The following FGF12 variants were observed in gnomAD, a reference collection of about 807,000 sequenced individuals.
The protein encoded by FGF12 is fibroblast growth factor 12B.
FGF12 carries 14 observed loss-of-function variants against 23.6 expected under a neutral mutation model. The ratio of observed to expected loss-of-function variants is 0.59; its 90% CI spans 0.39 to 0.93. The LOEUF is 0.93. Ranked by LOEUF, FGF12 falls within the 40% of genes least tolerant of loss-of-function variation. The probability of loss-of-function intolerance (pLI) is 0.00; values close to 1 mark genes in which losing one functional copy is unlikely to be tolerated. For missense variants in FGF12, 175 were observed against 217.8 expected, an observed-to-expected ratio of 0.80 and a Z score of 1.24; for synonymous variants, 62 against 77.3, an observed-to-expected ratio of 0.80 and a Z score of 1.04.
chr3:192,267,936 A>T (rs1252438019), intron 4 of FGF12, among the ~76,000 whole-genome samples: 2 of 152,144 alleles, frequency 1.3e-5, no homozygotes, highest in African/African-American at 4.8e-5. Flanking sequence ...TCCACATCAC[A>T]TATTCTCTAT....
chr3:192,468,784 C>G, intron 2 of FGF12, among the ~76,000 whole-genome samples: 1 of 152,044 alleles, frequency 6.6e-6, no homozygotes, highest in East Asian at 1.9e-4. Flanking sequence ...AAACTTCCCC[C>G]TGATTTTAGC....
intron 2 of FGF12, among the ~76,000 whole-genome samples, chr3:192,687,058 T>C (rs1008257480): frequency 2.6e-5 from 4 of 151,374 alleles, no homozygotes; most frequent in African/African-American, 9.7e-5. Context: ...CTCCATCTCC[T>C]GACCTCGTGA....
intron 2 of FGF12, among the ~76,000 whole-genome samples, chr3:192,575,787 A>G (rs1712852731): frequency 6.8e-6 from 1 of 147,154 alleles, no homozygotes; most frequent in South Asian, 2.2e-4. Context: ...TTTCACCCCA[A>G]CAAATAATCT....
At chr3:192,638,696 C>G (rs1380862778) in intron 2 of FGF12, among the ~76,000 whole-genome samples, 1 of 152,130 alleles carries the variant, frequency 6.6e-6, no homozygotes, top group Admixed American at 6.5e-5. Context: ...TCACCACATG[C>G]CCACAAGGTA....
At chr3:192,697,205 C>A (rs916851132) in intron 2 of FGF12, among the ~76,000 whole-genome samples, 11 of 152,148 alleles carry the variant, frequency 7.2e-5, no homozygotes, top group African/African-American at 2.7e-4. Context: ...ACTAGAGGGG[C>A]TCTGAGGAAC....
chr3:192,489,545 CT>C (rs922891041), intron 2 of FGF12, among the ~76,000 whole-genome samples: 7 of 152,220 alleles, frequency 4.6e-5, no homozygotes, highest in Middle Eastern at 3.4e-3. Flanking sequence ...CTATGCCTCA[CT>C]TCTAGCCAGA....
At chr3:192,692,448 G>A (rs917329395) in intron 2 of FGF12, among the ~76,000 whole-genome samples, 2 of 152,118 alleles carry the variant, frequency 1.3e-5, no homozygotes, top group African/African-American at 4.8e-5. Context: ...GCTCACACCT[G>A]TATTCCCAGC....
chr3:192,510,348 A>G lies in FGF12; in HGVS notation c.14-149810T>C, dbSNP rs1724432187. Among the ~76,000 whole-genome samples the G allele has an allele frequency of 2.0e-5, 3 of 152,346 alleles. No homozygotes were observed. In the South Asian group the frequency reaches 6.2e-4, roughly 32 times the overall value. ...AGAGACACCTCAACAAAGAAAATAC[A>G]CAGGTGGCAAGCAAGGATATGAAAA... On this transcript the variant is annotated intron_variant, in intron 2 of 5. Coordinates refer to ENST00000445105, the MANE Select transcript of FGF12 (RefSeq NM_004113.6).
intron 2 of FGF12, among the ~76,000 whole-genome samples, chr3:192,484,079 T>C (rs1045965098): frequency 6.6e-6 from 1 of 152,106 alleles, no homozygotes; most frequent in South Asian, 2.1e-4. Flanking sequence ...TTATCCCTGA[T>C]AGCAATGAAG....
chr3:192,492,887 A>G (rs1723840202), intron 2 of FGF12, among the ~76,000 whole-genome samples: 1 of 151,850 alleles, frequency 6.6e-6, no homozygotes, highest in African/African-American at 2.4e-5. Context: ...GGTAGAGATA[A>G]GAAGTGATGA....
intron 5 of FGF12, among the ~76,000 whole-genome samples, chr3:192,169,982 A>G (rs559715293): frequency 4.0e-5 from 6 of 149,186 alleles, no homozygotes; most frequent in Admixed American, 1.4e-4. Flanking sequence ...TTGTTTTTCA[A>G]GGGTGTATCT....
rs142982748 is a variant in FGF12 at position 192,696,208 on chromosome 3, T to C, written c.13+30973A>G. Among the ~76,000 whole-genome samples, 46 of 152,132 alleles carry C rather than the reference T, an allele frequency of 3.0e-4. 1 individual carries two copies. In the East Asian group the frequency reaches 8.3e-3, roughly 27 times the overall value. On this transcript the variant is annotated intron_variant, in intron 2 of 5. Coordinates refer to ENST00000445105, the MANE Select transcript of FGF12 (RefSeq NM_004113.6). ...AGTAAGCAATAGTGGAAAACCCCAT[T>C]TGTACCCACCAGTATGTTCCAGCTG...
At chr3:192,382,028 G>A (rs998316495) in intron 2 of FGF12, among the ~76,000 whole-genome samples, 8 of 150,246 alleles carry the variant, frequency 5.3e-5, no homozygotes, top group African/African-American at 1.5e-4. Context: ...ATGGAGTCTC[G>A]CTCTGTCACC....
At chr3:192,422,411 C>T (rs2108784957) in intron 2 of FGF12, among the ~76,000 whole-genome samples, 1 of 152,182 alleles carries the variant, frequency 6.6e-6, no homozygotes, top group East Asian at 1.9e-4. Flanking sequence ...AAGTAGGAAG[C>T]ATTTTCTGTC....
chr3:192,229,956 A>C (rs62294740), intron 4 of FGF12, among the ~76,000 whole-genome samples: 2,364 of 124,754 alleles, frequency 0.019, 34 homozygotes, highest in Middle Eastern at 0.065. Flanking sequence ...TGGATGATAC[A>C]TTATGTGAGA....
chr3:192,710,412 TC>T (rs767384405), intron 2 of FGF12, among the ~76,000 whole-genome samples: 3 of 152,214 alleles, frequency 2.0e-5, no homozygotes, highest in Non-Finnish European at 2.9e-5. Flanking sequence ...TTTGCATAAT[TC>T]TTTAAAGATG....
chr3:192,484,604 C>T (rs546892954), intron 2 of FGF12, among the ~76,000 whole-genome samples: 4 of 152,188 alleles, frequency 2.6e-5, no homozygotes, highest in East Asian at 3.9e-4. Context: ...AGTGAATGAT[C>T]GGCTGTGAGA....
At chr3:192,485,989 C>T (rs75551959) in intron 2 of FGF12, among the ~76,000 whole-genome samples, 2,510 of 152,024 alleles carry the variant, frequency 0.017, 69 homozygotes, top group African/African-American at 0.058. Context: ...ATATATAATA[C>T]GTAGTAAAAA....
At chr3:192,274,949 T>C (rs13317322) in intron 4 of FGF12, among the ~76,000 whole-genome samples, 54,311 of 151,964 alleles carry the variant, frequency 0.36, 10,812 homozygotes, top group East Asian at 0.9. Flanking sequence ...TTCAACTGTT[T>C]TCAAAGGGAA....
Sources: gnomAD v4.1 joint callset for allele counts (sites outside exome capture counted in the v4.1 genomes callset) on GRCh38, gnomAD v4.1.1 for gene constraint, MANE v1.5 for transcripts, NCBI Gene and HGNC (gene_info 2026-07-23, HGNC 2026-07-21) for gene names.